MIXL1: variants seen among roughly 807,000 people sequenced by gnomAD.
The protein encoded by MIXL1 is Mix paired-like homeobox.
MIXL1 carries 9 observed loss-of-function variants against 9.3 expected under a neutral mutation model. That is an observed-to-expected ratio of 0.97 (90% CI 0.58 to 1.69). The LOEUF (loss-of-function observed/expected upper bound fraction) is 1.69, where lower values mean the gene tolerates loss of function less well. Ranked by LOEUF, MIXL1 falls within the 40% of genes most tolerant of loss-of-function variation. The pLI is 0.00. For missense variants in MIXL1, 330 were observed against 331.7 expected, an observed-to-expected ratio of 0.99 and a Z score of 0.04; for synonymous variants, 164 against 155.6, an observed-to-expected ratio of 1.05 and a Z score of -0.40.
chr1:226,226,044 T>C lies in MIXL1; in HGVS notation c.*232T>C. ...CCCGCATTCGTTTTTACCTGTGTTC[T>C]CTCCAAGCCTGCACATTCCATTGGT... On this transcript the variant is annotated 3_prime_UTR_variant, in exon 2 of 2. Coordinates refer to ENST00000366810, the MANE Select transcript of MIXL1 (RefSeq NM_031944.3). 1 of 504,312 alleles carries C rather than the reference T, an allele frequency of 2.0e-6. No homozygotes were observed. Among genetic ancestry groups the C allele is most frequent in the Admixed American group, 3.4e-5 (1 of 29,306 alleles). The allele number at this position is 504,312 out of a possible 1,614,324, so 31.2% of individuals were successfully genotyped here. A position where few individuals can be genotyped will look rare whatever the true frequency, so the allele number is the denominator to read the frequency against.
In MIXL1 at chr1:226,224,481, G is replaced by A. The variant is rs573621776; in HGVS notation, c.393+407G>A. Among the ~76,000 whole-genome samples, 39 of 152,290 alleles carry A rather than the reference G, an allele frequency of 2.6e-4. 1 individual carries two copies. The South Asian group carries it at 6.6e-3, about 26-fold the overall frequency. On this transcript the variant is annotated intron_variant, in intron 1 of 1. Coordinates refer to ENST00000366810, the MANE Select transcript of MIXL1 (RefSeq NM_031944.3). ...CGTGAGAATGGTAGCTGAAAACGGG[G>A]AAGGCTGGCTCGCCAAGTTACCCCC...
In MIXL1 at chr1:226,225,734, T is replaced by A; in HGVS notation, c.621T>A (p.Cys207Ter). Residue 207 changes from cysteine (C) to a stop codon, truncating the protein, a stop_gained, in exon 2 of 2, where the codon TGT (cysteine) becomes TGA (stop). Coordinates refer to ENST00000366810, the MANE Select transcript of MIXL1 (RefSeq NM_031944.3). LOFTEE classifies it high-confidence loss of function. ...CCCAAGGTCAGAATTTTGAAACCTG[T>A]TCCCCTCTCTCTGAAGACATTGGTT... ...SSSQGQNFET[C>*]SPLSEDIGSK... 6.2e-7 allele frequency: 1 copy of A among 1,614,124 alleles called. No individual in the cohort carries two copies. The highest frequency in any genetic ancestry group is 8.5e-7 in the Non-Finnish European group (1 of 1,179,944).
chr1:226,225,722 T>A lies in MIXL1; in HGVS notation c.609T>A (p.Asn203Lys), dbSNP rs778386600. ...GISDSSSQGQ[N>K]FETCSPLSED... The stretch of plus-strand genomic sequence containing the variant: ...CTGACTCTAGCTCCCAAGGTCAGAA[T>A]TTTGAAACCTGTTCCCCTCTCTCTG... The change falls in exon 2 of 2, where the codon AAT becomes AAA. Residue 203 changes from asparagine (N) to lysine (K), a missense_variant. Transcript: ENST00000366810. The A allele has an allele frequency of 1.8e-5, 29 of 1,614,084 alleles. No individual in the cohort carries two copies. In the South Asian group the frequency reaches 3.1e-4, roughly 17 times the overall value.
In MIXL1 at chr1:226,223,926, C is replaced by A. The variant is rs1387738341; in HGVS notation, c.245C>A (p.Pro82Gln). Residue 82 changes from proline (P) to glutamine (Q), a missense_variant, in exon 1 of 2, where the codon CCG (proline) becomes CAG (glutamine). Transcript: ENST00000366810. ...GCGCCCCCCAAAGGCGCGGCCGCCCCGTCGGCGTCGCAGCGCCGCAAGCGC... is the reference window on the plus strand; with the variant it reads ...GCGCCCCCCAAAGGCGCGGCCGCCCAGTCGGCGTCGCAGCGCCGCAAGCGC... ...SPAPPKGAAA[P>Q]SASQRRKRTS... 7 of 1,386,302 alleles carry A rather than the reference C, an allele frequency of 5.0e-6. No homozygotes were observed. The highest frequency in any genetic ancestry group is 6.6e-6 in the Non-Finnish European group (7 of 1,060,760). The allele number at this position is 1,386,302 out of a possible 1,614,324, so 85.9% of individuals were successfully genotyped here.
intron 1 of MIXL1, among the ~76,000 whole-genome samples, chr1:226,225,087 C>A (rs1242380568): frequency 6.6e-6 from 1 of 152,158 alleles, no homozygotes; most frequent in Non-Finnish European, 1.5e-5. Context: ...GTTTTCTCTG[C>A]ACCCCTGGCG....
At chr1:226,224,956 G>T (rs1322174962) in intron 1 of MIXL1, among the ~76,000 whole-genome samples, 1 of 152,178 alleles carries the variant, frequency 6.6e-6, no homozygotes, top group Admixed American at 6.5e-5. Context: ...AAGTAATTTA[G>T]ATCAGAATCT....
Position 226,225,956 on chromosome 1 carries a change from C to G in MIXL1, c.*144C>G, listed in dbSNP as rs1576258971. On this transcript the variant is annotated 3_prime_UTR_variant, in exon 2 of 2. Coordinates refer to ENST00000366810, the MANE Select transcript of MIXL1 (RefSeq NM_031944.3). Reference sequence around the variant, plus strand: ...ATGATGGTTTTGACAGCACCTCTCACATTTGAAGGTACCCCGCCACTTTGT... The same window carrying G: ...ATGATGGTTTTGACAGCACCTCTCAGATTTGAAGGTACCCCGCCACTTTGT... 1 of 710,842 alleles carries G rather than the reference C, an allele frequency of 1.4e-6. No homozygotes were observed. Among genetic ancestry groups the G allele is most frequent in the East Asian group, 2.6e-5 (1 of 38,806 alleles). 44.0% of individuals were successfully genotyped at this position (710,842 alleles called of 1,614,324 possible).
In MIXL1 at chr1:226,225,739, C is replaced by A. The variant is rs1451764327; in HGVS notation, c.626C>A (p.Pro209His). The A allele has an allele frequency of 6.2e-7, 1 of 1,614,182 alleles. No individual in the cohort carries two copies. The highest frequency in any genetic ancestry group is 1.7e-5 in the Admixed American group (1 of 60,024). ...GGTCAGAATTTTGAAACCTGTTCCC[C>A]TCTCTCTGAAGACATTGGTTCAAAG... is the stretch of plus-strand genomic sequence containing the variant. ...SQGQNFETCSPLSEDIGSKLD... is the reference protein window; with the variant it reads ...SQGQNFETCSHLSEDIGSKLD... The change falls in exon 2 of 2, where the codon CCT (proline) becomes CAT (histidine). Residue 209 changes from proline (P) to histidine (H), a missense_variant. Transcript: ENST00000366810.
chr1:226,225,208 T>C (rs1216096061), intron 1 of MIXL1, among the ~76,000 whole-genome samples: 1 of 152,152 alleles, frequency 6.6e-6, no homozygotes, highest in Non-Finnish European at 1.5e-5. Context: ...TTTAATGCAG[T>C]TTTTTTCTAA....
chr1:226,224,860 G>C (rs997814615), intron 1 of MIXL1, among the ~76,000 whole-genome samples: 1 of 152,080 alleles, frequency 6.6e-6, no homozygotes, highest in Non-Finnish European at 1.5e-5. Flanking sequence ...GGCTGGTTTC[G>C]AACTCCTGAC....
chr1:226,225,325 G>A (rs1344479995), intron 1 of MIXL1, among the ~76,000 whole-genome samples, 182 bp from the exon 2 acceptor site: 1 of 152,140 alleles, frequency 6.6e-6, no homozygotes, highest in African/African-American at 2.4e-5. Flanking sequence ...CTGGGAATGG[G>A]GAGGCAAGGA....
Position 226,223,870 on chromosome 1 carries a change from C to T in MIXL1, c.189C>T (p.Ala63=). The part of the protein sequence containing the change: ...AGFLGRDPGP[A]PPPPASLGSP... ...TCCTCGGCCGGGACCCCGGGCCGGC[C>T]CCGCCGCCCCCCGCCAGCCTGGGCT... Residue 63 remains alanine (A), a synonymous_variant, in exon 1 of 2, where the codon GCC becomes GCT. Transcript: ENST00000366810. 1.7e-6 allele frequency: 2 copies of T among 1,202,962 alleles called. No homozygotes were observed. The highest frequency in any genetic ancestry group is 1.6e-5 in the African/African-American group (1 of 62,774). The allele number at this position is 1,202,962 out of a possible 1,614,324, so 74.5% of individuals were successfully genotyped here.
intron 1 of MIXL1, 56 bp from the exon 2 acceptor site, chr1:226,225,451 A>C (rs746598507): frequency 3.2e-6 from 5 of 1,577,666 alleles, no homozygotes; most frequent in African/African-American, 1.4e-5. Flanking sequence ...TGTGAACATA[A>C]TGTTAGCATA....
Position 226,223,880 on chromosome 1 carries a change from C to G in MIXL1, c.199C>G (p.Pro67Ala). The G allele has an allele frequency of 8.2e-7, 1 of 1,222,180 alleles. No individual in the cohort carries two copies. The highest frequency in any genetic ancestry group is 3.4e-5 in the East Asian group (1 of 29,626). The allele number at this position is 1,222,180 out of a possible 1,614,324, so 75.7% of individuals were successfully genotyped here. A position where few individuals can be genotyped will look rare whatever the true frequency, so the allele number is the denominator to read the frequency against. Reference sequence around the variant, plus strand: ...GGACCCCGGGCCGGCCCCGCCGCCCCCCGCCAGCCTGGGCTCGCCTGCGCC... The same window carrying G: ...GGACCCCGGGCCGGCCCCGCCGCCCGCCGCCAGCCTGGGCTCGCCTGCGCC... ...GRDPGPAPPP[P>A]ASLGSPAPPK... The change falls in exon 1 of 2, where the codon CCC (proline) becomes GCC (alanine). Residue 67 changes from proline to alanine, a missense_variant. Coordinates refer to ENST00000366810, the MANE Select transcript of MIXL1 (RefSeq NM_031944.3).
At chr1:226,224,459 G>C (rs1475516756) in intron 1 of MIXL1, among the ~76,000 whole-genome samples, 5 of 152,168 alleles carry the variant, frequency 3.3e-5, no homozygotes, top group Non-Finnish European at 7.3e-5. Context: ...CTTTGAGCGT[G>C]AGAATGGTAG....
intron 1 of MIXL1, among the ~76,000 whole-genome samples, chr1:226,224,282 C>T (rs1657097751): frequency 6.6e-6 from 1 of 152,216 alleles, no homozygotes; most frequent in South Asian, 2.1e-4. Context: ...TTTAGGCCTG[C>T]ACTGAACGAT....
In MIXL1 at chr1:226,224,056, C is replaced by T. The variant is rs767871550; in HGVS notation, c.375C>T (p.Leu125=). Residue 125 remains leucine, a synonymous_variant, in exon 1 of 2, where the codon CTC becomes CTT. Coordinates refer to ENST00000366810, the MANE Select transcript of MIXL1 (RefSeq NM_031944.3). ...LRERLAALTL[L]PESRIQVWFQ... ...AGCGCCTGGCCGCGCTCACCCTGCT[C>T]CCCGAGTCCAGGATCCAGGTGAGGG... is the stretch of plus-strand genomic sequence containing the variant. 11 of 1,360,180 alleles carry T rather than the reference C, an allele frequency of 8.1e-6. No homozygotes were observed. The African/African-American group carries it at 1.2e-4, about 15-fold the overall frequency. 84.3% of individuals were successfully genotyped at this position (1,360,180 alleles called of 1,614,324 possible).
intron 1 of MIXL1, 68 bp from the exon 2 acceptor site, chr1:226,225,439 A>G: frequency 6.5e-7 from 1 of 1,549,020 alleles, no homozygotes; most frequent in Non-Finnish European, 8.8e-7. Flanking sequence ...ACCAGTATGA[A>G]CTGTGAACAT....
rs1367233662 is a variant in MIXL1 at position 226,225,605 on chromosome 1, T to C, written c.492T>C (p.Pro164=). 6.2e-7 allele frequency: 1 copy of C among 1,614,234 alleles called. No individual in the cohort carries two copies. The highest frequency in any genetic ancestry group is 1.7e-5 in the Admixed American group (1 of 60,020). Residue 164 remains proline, a synonymous_variant, in exon 2 of 2, where the codon CCT becomes CCC. Coordinates refer to ENST00000366810, the MANE Select transcript of MIXL1 (RefSeq NM_031944.3). ...AGATTATCCTCAACCACTGTGCTCC[T>C]GGAACTGAAACGAAATGTCTGAAGC... is the stretch of plus-strand genomic sequence containing the variant. ...RPEIILNHCA[P]GTETKCLKPQ... is the part of the protein sequence containing the mutation.
Sources: gnomAD v4.1 joint callset for allele counts (sites outside exome capture counted in the v4.1 genomes callset) on GRCh38, gnomAD v4.1.1 for gene constraint, MANE v1.5 for transcripts, NCBI Gene and HGNC (gene_info 2026-07-23, HGNC 2026-07-21) for gene names.